The following LRRTM4 variants were observed in gnomAD, a reference collection of about 807,000 sequenced individuals.
The protein encoded by LRRTM4 is leucine-rich repeat transmembrane neuronal protein 4.
In LRRTM4, 25 loss-of-function variants were observed where a neutral mutation model predicts 47.6. The observed-to-expected ratio is 0.53, with a 90% CI of 0.38 to 0.73. The LOEUF (loss-of-function observed/expected upper bound fraction) is 0.73. Among genes scored for constraint, LRRTM4 ranks in the 30% least tolerant of loss-of-function variants. LRRTM4 has a pLI of 0.00. For missense variants in LRRTM4, 638 were observed against 713.4 expected (o/e 0.89, Z 1.20); for synonymous variants, 311 against 269.5 (o/e 1.15, Z -1.51).
intron 3 of LRRTM4, among the ~76,000 whole-genome samples, chr2:77,182,506 C>A (rs1355786107): frequency 6.6e-6 from 1 of 152,022 alleles, no homozygotes; most frequent in East Asian, 1.9e-4. Flanking sequence ...ACCTCTGTAA[C>A]AAACCTGCAC....
chr2:76,753,441 A>T (rs1672918511), intron 3 of LRRTM4, among the ~76,000 whole-genome samples: 1 of 152,164 alleles, frequency 6.6e-6, no homozygotes, highest in Non-Finnish European at 1.5e-5. Flanking sequence ...TTGGCTCATT[A>T]ACAAGCCCTT....
intron 3 of LRRTM4, among the ~76,000 whole-genome samples, chr2:77,486,771 AT>A (rs1413892209): frequency 6.6e-6 from 1 of 152,244 alleles, no homozygotes; most frequent in Non-Finnish European, 1.5e-5. Flanking sequence ...CTGTTAGGAA[AT>A]AATGAGATAA....
At chr2:76,978,424 A>G (rs548539978) in intron 3 of LRRTM4, among the ~76,000 whole-genome samples, 8 of 152,164 alleles carry the variant, frequency 5.3e-5, no homozygotes, top group African/African-American at 1.9e-4. Context: ...TTCTTATGTA[A>G]CATGAAAATA....
intron 3 of LRRTM4, among the ~76,000 whole-genome samples, chr2:77,394,685 A>G (rs775083363): frequency 3.3e-5 from 5 of 151,998 alleles, no homozygotes; most frequent in African/African-American, 9.7e-5. Context: ...TGCATACTGA[A>G]TGAACATGCA....
intron 3 of LRRTM4, among the ~76,000 whole-genome samples, chr2:77,416,126 C>T (rs1573383804): frequency 6.6e-6 from 1 of 152,056 alleles, no homozygotes; most frequent in African/African-American, 2.4e-5. Context: ...ATGTTTTGCA[C>T]TTTCCTTTTG....
chr2:77,465,709 A>T (rs77662637), intron 3 of LRRTM4, among the ~76,000 whole-genome samples: 2 of 152,196 alleles, frequency 1.3e-5, no homozygotes, highest in African/African-American at 4.8e-5. Context: ...TAAGAAACAC[A>T]TATGTTTCTG....
chr2:77,502,561 C>T (rs919015573), intron 3 of LRRTM4, among the ~76,000 whole-genome samples: 14 of 151,480 alleles, frequency 9.2e-5, no homozygotes, highest in African/African-American at 3.1e-4. Context: ...AATTTGGGAA[C>T]GTAATTATTT....
chr2:76,885,669 G>A (rs1032897204), intron 3 of LRRTM4, among the ~76,000 whole-genome samples: 3 of 151,962 alleles, frequency 2.0e-5, no homozygotes, highest in African/African-American at 7.2e-5. Flanking sequence ...GTTTCACCGT[G>A]TTAGCAAAGA....
intron 3 of LRRTM4, among the ~76,000 whole-genome samples, chr2:76,918,218 A>G (rs1674319271): frequency 6.6e-6 from 1 of 152,240 alleles, no homozygotes; most frequent in African/African-American, 2.4e-5. Context: ...TTCTTAATCC[A>G]TTTATGAAAA....
intron 3 of LRRTM4, among the ~76,000 whole-genome samples, chr2:77,388,826 T>C (rs1673389514): frequency 1.3e-5 from 2 of 152,200 alleles, no homozygotes; most frequent in South Asian, 4.1e-4. Context: ...TATGTATTTA[T>C]ACATGCTATT....
intron 3 of LRRTM4, among the ~76,000 whole-genome samples, chr2:76,762,963 G>A (rs1034130894): frequency 3.3e-5 from 5 of 152,176 alleles, no homozygotes; most frequent in Non-Finnish European, 7.3e-5. Context: ...TATGTAATAT[G>A]ACTGACGGAA....
At chr2:77,442,845 G>C (rs1393879312) in intron 3 of LRRTM4, among the ~76,000 whole-genome samples, 2 of 152,130 alleles carry the variant, frequency 1.3e-5, no homozygotes, top group African/African-American at 4.8e-5. Flanking sequence ...CACTTGGAAG[G>C]AGGTCTGACT....
intron 3 of LRRTM4, among the ~76,000 whole-genome samples, chr2:77,125,141 C>A (rs1399912737): frequency 6.6e-6 from 1 of 152,154 alleles, no homozygotes. Context: ...GTAGAATTTT[C>A]TTCTAAAATT....
chr2:76,880,385 G>C (rs1672896103), intron 3 of LRRTM4, among the ~76,000 whole-genome samples: 1 of 152,140 alleles, frequency 6.6e-6, no homozygotes, highest in Non-Finnish European at 1.5e-5. Flanking sequence ...ATGAATCACT[G>C]AAGGCTCAGA....
intron 3 of LRRTM4, among the ~76,000 whole-genome samples, chr2:77,132,708 A>C (rs1194892644): frequency 1.3e-5 from 2 of 152,148 alleles, no homozygotes; most frequent in African/African-American, 4.8e-5. Flanking sequence ...AAGAGCTTAA[A>C]ACCCATTCAC....
intron 3 of LRRTM4, among the ~76,000 whole-genome samples, chr2:77,419,461 T>C (rs776952731): frequency 1.3e-5 from 2 of 152,212 alleles, no homozygotes; most frequent in African/African-American, 2.4e-5. Context: ...CAAATACTTT[T>C]AATCATCTCT....
intron 3 of LRRTM4, among the ~76,000 whole-genome samples, chr2:77,193,521 A>AT (rs1673730505): frequency 1.3e-5 from 2 of 151,680 alleles, no homozygotes; most frequent in East Asian, 3.9e-4. Context: ...ATTATAAAAT[A>AT]TTTTTCGGCC....
At chr2:76,979,879 ACTT>A (rs1170717962) in intron 3 of LRRTM4, among the ~76,000 whole-genome samples, 1 of 151,904 alleles carries the variant, frequency 6.6e-6, no homozygotes, top group African/African-American at 2.4e-5. Context: ...TACTATAATA[ACTT>A]CTTTTCTTCT....
chr2:77,024,867 C>T (rs915024423), intron 3 of LRRTM4, among the ~76,000 whole-genome samples: 1 of 152,034 alleles, frequency 6.6e-6, no homozygotes, highest in Non-Finnish European at 1.5e-5. Context: ...AGGATTATAT[C>T]TTGTTGGAAA....
Sources: gnomAD v4.1 joint callset for allele counts (sites outside exome capture counted in the v4.1 genomes callset) on GRCh38, gnomAD v4.1.1 for gene constraint, MANE v1.5 for transcripts, NCBI Gene and HGNC (gene_info 2026-07-23, HGNC 2026-07-21) for gene names.